CASD1: variants seen among roughly 807,000 people sequenced by gnomAD.
CASD1 encodes CAS1 domain sialic acid O acetyltransferase 1.
A neutral mutation model predicts 100.0 loss-of-function variants in CASD1; 41 were observed. That is an observed-to-expected ratio of 0.41 (90% CI 0.32 to 0.53). CASD1 has a LOEUF of 0.53. Ranked by LOEUF, CASD1 falls within the 20% of genes least tolerant of loss-of-function variation. The probability of loss-of-function intolerance (pLI) is 0.25; values close to 1 mark genes in which losing one functional copy is unlikely to be tolerated. For missense variants in CASD1, 774 were observed against 948.7 expected (o/e 0.82, Z 2.42); for synonymous variants, 321 against 315.6 (o/e 1.02, Z -0.18).
At chr7:94,613,359 T>G in the CASD1 span, among the ~76,000 whole-genome samples, 1 of 152,206 alleles carries the variant, frequency 6.6e-6, no homozygotes, top group African/African-American at 2.4e-5. Context: ...TGTCAAAATT[T>G]AAAATTTGTA....
At chr7:94,614,223 G>T in the CASD1 span, among the ~76,000 whole-genome samples, 575 of 150,292 alleles carry the variant, frequency 3.8e-3, 8 homozygotes, top group African/African-American at 0.013. Context: ...AATTCTAAAA[G>T]AATTTTTTCA....
At chr7:94,524,612 G>A (rs1033148219) in intron 3 of CASD1, among the ~76,000 whole-genome samples, 2 of 152,032 alleles carry the variant, frequency 1.3e-5, no homozygotes, top group African/African-American at 4.8e-5. Flanking sequence ...ACATTTGTAT[G>A]GCCTATGGAT....
In CASD1 at chr7:94,537,885, T is replaced by C; in HGVS notation, c.1257T>C (p.Asn419=). 6.9e-7 allele frequency: 1 copy of C among 1,444,666 alleles called. No individual in the cohort carries two copies. Among genetic ancestry groups the C allele is most frequent in the African/African-American group, 1.4e-5 (1 of 71,138 alleles). The allele number at this position is 1,444,666 out of a possible 1,614,324, so 89.5% of individuals were successfully genotyped here. The change falls in exon 9 of 18, where the codon AAT becomes AAC. Residue 419 remains asparagine, a synonymous_variant. Coordinates refer to ENST00000297273, the MANE Select transcript of CASD1 (RefSeq NM_022900.5). ...ILVLGVFYNE[N]TKETKVLNRE... ...TTTTGGGAGTATTTTATAATGAAAA[T>C]ACTAAAGAGGTAAGAGTCATTTTCT...
the CASD1 span, among the ~76,000 whole-genome samples, chr7:94,568,105 A>G: frequency 6.6e-6 from 1 of 152,204 alleles, no homozygotes; most frequent in Non-Finnish European, 1.5e-5. Flanking sequence ...CAGAAATAAA[A>G]ATGTATTATT....
At position 94,512,241 on chromosome 7, in the gene CASD1, T is replaced by A. The variant is rs1042810509; in HGVS notation, c.133+2024T>A. ...GGGCCACACATAATATTAACACTCA[T>A]GATAGCTGATGAGCTTAAAAAAAAT... On this transcript the variant is annotated intron_variant, in intron 1 of 17. Transcript: ENST00000297273. Among the ~76,000 whole-genome samples the A allele has an allele frequency of 9.9e-5, 15 of 152,236 alleles. No individual in the cohort carries two copies. In the East Asian group the frequency reaches 1.7e-3, roughly 18 times the overall value.
chr7:94,601,746 C>T, the CASD1 span, among the ~76,000 whole-genome samples: 1 of 152,052 alleles, frequency 6.6e-6, no homozygotes, highest in Non-Finnish European at 1.5e-5. Context: ...ATTGATGTGC[C>T]TCCTTTTTAA....
the CASD1 span, among the ~76,000 whole-genome samples, chr7:94,603,769 A>T: frequency 1.3e-5 from 2 of 152,154 alleles, no homozygotes; most frequent in Non-Finnish European, 2.9e-5. Context: ...TACTATATTT[A>T]GTAATTACTA....
the CASD1 span, chr7:94,594,367 GAT>G: frequency 2.6e-5 from 4 of 152,074 alleles, no homozygotes; most frequent in Admixed American, 1.3e-4. Flanking sequence ...AGGCTACAAA[GAT>G]AACTAAGTAC....
the CASD1 span, chr7:94,586,995 ATG>A: frequency 1.0e-6 from 1 of 984,330 alleles, no homozygotes; most frequent in African/African-American, 1.7e-5. Flanking sequence ...TTGCAGAAAA[ATG>A]TAAGAAAACA....
chr7:94,578,835 A>C, the CASD1 span, among the ~76,000 whole-genome samples: 1 of 152,200 alleles, frequency 6.6e-6, no homozygotes, highest in African/African-American at 2.4e-5. Context: ...GTCTGTGCCC[A>C]TGCTGTTTCC....
At chr7:94,607,595 T>G in the CASD1 span, among the ~76,000 whole-genome samples, 1 of 151,904 alleles carries the variant, frequency 6.6e-6, no homozygotes, top group Non-Finnish European at 1.5e-5. Context: ...CAAAATCCAA[T>G]GGCAATTTGT....
rs754246762 is a variant in CASD1, at chr7:94,544,469, G to A, written c.1415G>A (p.Gly472Glu). The change falls in exon 11 of 18, where the codon GGG becomes GAG. Residue 472 changes from glycine to glutamate, a missense_variant. By Grantham distance (98) the Gly-to-Glu change is moderately conservative. Around this residue, in one of 5 missense-constraint regions of CASD1, gnomAD observed 453 missense variants for 532.6 expected, o/e 0.85. Transcript: ENST00000297273. ...GTTGCTGCATATTTATTTCAGACAGGGTATGGGCATTTCTCATACTTTTGG... is the reference window on the plus strand; with the variant it reads ...GTTGCTGCATATTTATTTCAGACAGAGTATGGGCATTTCTCATACTTTTGG... ...VLVAAYLFQT[G>E]YGHFSYFWIK... The A allele has an allele frequency of 6.2e-7, 1 of 1,613,040 alleles. No homozygotes were observed. Among genetic ancestry groups the A allele is most frequent in the Non-Finnish European group, 8.5e-7 (1 of 1,179,376 alleles).
the CASD1 span, among the ~76,000 whole-genome samples, chr7:94,604,716 G>A: frequency 3.4e-5 from 5 of 148,104 alleles, no homozygotes; most frequent in Non-Finnish European, 7.5e-5. Flanking sequence ...CAAATGAGAA[G>A]CATATGTGAA....
the CASD1 span, among the ~76,000 whole-genome samples, chr7:94,579,514 A>G: frequency 1.3e-5 from 2 of 152,212 alleles, no homozygotes; most frequent in African/African-American, 2.4e-5. Context: ...AAGTAATAAA[A>G]TTTGTACAAA....
At chr7:94,564,952 G>T in the CASD1 span, among the ~76,000 whole-genome samples, 1 of 152,062 alleles carries the variant, frequency 6.6e-6, no homozygotes, top group African/African-American at 2.4e-5. Context: ...CATAGTCTCA[G>T]ATCTGGGAAA....
chr7:94,621,426 A>C, the CASD1 span: 1 of 152,250 alleles, frequency 6.6e-6, no homozygotes, highest in African/African-American at 2.4e-5. Context: ...CCCTGCTGCC[A>C]ATTTTCAATC....
rs537409318 is a variant in CASD1 at position 94,528,348 on chromosome 7, A to G, written c.459+98A>G. On this transcript the variant is annotated intron_variant, in intron 5 of 17. Transcript: ENST00000297273. ...CTTTACTCACTTGTCCCACTCTCCT[A>G]TATTTTATACCTGCCTTCTTAATAG... is the stretch of plus-strand genomic sequence containing the variant. 8 of 812,018 alleles carry G rather than the reference A, an allele frequency of 9.9e-6. No homozygotes were observed. The East Asian group carries it at 1.1e-4, about 11-fold the overall frequency. 50.3% of individuals were successfully genotyped at this position (812,018 alleles called of 1,614,324 possible).
chr7:94,604,900 C>A, the CASD1 span, among the ~76,000 whole-genome samples: 23 of 127,914 alleles, frequency 1.8e-4, 1 homozygote, highest in African/African-American at 6.7e-4. Context: ...ACTGGATATC[C>A]ACATATCCCG....
the CASD1 span, among the ~76,000 whole-genome samples, chr7:94,581,705 T>C: frequency 1.3e-5 from 2 of 152,248 alleles, no homozygotes; most frequent in Non-Finnish European, 2.9e-5. Context: ...GGATATGATC[T>C]CATTCCTTTT....
Sources: allele counts gnomAD v4.1 joint callset (sites outside exome capture counted in the v4.1 genomes callset), GRCh38; gene constraint gnomAD v4.1.1; regional missense constraint gnomAD v4.1.1; transcripts MANE v1.5; gene names NCBI Gene and HGNC (gene_info 2026-07-23, HGNC 2026-07-21).